The following MCM6 variants were observed in gnomAD, a reference collection of about 807,000 sequenced individuals.
MCM6 encodes the protein DNA replication licensing factor MCM6.
Under a neutral mutation model 94.3 loss-of-function variants are expected in MCM6, and 46 were observed. The observed-to-expected ratio is 0.49, with a 90% CI of 0.39 to 0.62. The LOEUF (loss-of-function observed/expected upper bound fraction) is 0.62, where lower values mean the gene tolerates loss of function less well. MCM6 is among the 20% of genes least tolerant of loss of function. The pLI, the probability that MCM6 is intolerant of heterozygous loss-of-function variation, is 0.00. For synonymous variants in MCM6, 335 were observed against 351.9 expected (o/e 0.95, Z 0.54); for missense variants, 865 against 1,017.9 (o/e 0.85, Z 2.04).
At chr2:135,858,496 G>T (rs967253252) in intron 9 of MCM6, among the ~76,000 whole-genome samples, 4 of 151,904 alleles carry the variant, frequency 2.6e-5, no homozygotes, top group African/African-American at 9.7e-5. Context: ...CGAAAAACAA[G>T]AACAGTCTTT....
At chr2:135,870,166 C>T (rs1680174560) in intron 3 of MCM6, 85 bp downstream of exon 3, 1 of 948,838 alleles carries the variant, frequency 1.1e-6, no homozygotes, top group African/African-American at 1.6e-5. Flanking sequence ...CAGATCAAGG[C>T]AACCTCTCAA....
At chr2:135,853,421 G>T (rs1278871691) in intron 11 of MCM6, among the ~76,000 whole-genome samples, 2 of 152,076 alleles carry the variant, frequency 1.3e-5, no homozygotes, top group Non-Finnish European at 2.9e-5. Flanking sequence ...CTCCAGCCTG[G>T]GCAACAGAGT....
chr2:135,861,485 T>G (rs991327241), intron 8 of MCM6, among the ~76,000 whole-genome samples: 2 of 152,222 alleles, frequency 1.3e-5, no homozygotes, highest in Non-Finnish European at 2.9e-5. Context: ...GGCCCTAAGT[T>G]TCTTAAAAGT....
chr2:135,866,918 T>C (rs1575366835), intron 4 of MCM6, among the ~76,000 whole-genome samples, 190 bp from the exon 5 acceptor site: 1 of 152,120 alleles, frequency 6.6e-6, no homozygotes, highest in Admixed American at 6.6e-5. Context: ...ATAGTTCAAT[T>C]TGGCAAGAGA....
intron 15 of MCM6, 54 bp from the exon 16 acceptor site, chr2:135,844,738 T>C (rs1413813845): frequency 2.7e-6 from 4 of 1,466,436 alleles, no homozygotes; most frequent in Non-Finnish European, 3.6e-6. Context: ...TGTCAGTCCT[T>C]GGGTAAATCT....
At chr2:135,858,127 G>A in intron 9 of MCM6, 123 bp from the exon 10 acceptor site, 1 of 824,584 alleles carries the variant, frequency 1.2e-6, no homozygotes, top group Non-Finnish European at 2.0e-6. Flanking sequence ...CCGGGCATTT[G>A]AGGTTACAGT....
intron 10 of MCM6, 137 bp from the exon 11 acceptor site, chr2:135,857,020 A>C: frequency 1.4e-6 from 1 of 718,784 alleles, no homozygotes; most frequent in Non-Finnish European, 2.2e-6. Flanking sequence ...ATAAACAGGA[A>C]CTCCTATGTG....
Position 135,866,187 on chromosome 2 carries a change from T to A in MCM6, c.872A>T (p.Asp291Val). 2 of 1,614,070 alleles carry A rather than the reference T, an allele frequency of 1.2e-6. No homozygotes were observed. Among genetic ancestry groups the A allele is most frequent in the South Asian group, 1.1e-5 (1 of 91,072 alleles). ...AAGAAAGACCAGCCTATAAGAAAGG[T>A]CCCTAACACCAAGGGCCCGGAGTCC... is the stretch of plus-strand genomic sequence containing the variant. ...IRGLRALGVR[D>V]LSYRLVFLAC... is the part of the protein sequence containing the mutation. Residue 291 changes from aspartate to valine, a missense_variant, in exon 6 of 17, where the codon GAC (aspartate) becomes GTC (valine). Physicochemically the swap from Asp to Val is radical, Grantham distance 152 (BLOSUM62 -3). Coordinates refer to ENST00000264156, the MANE Select transcript of MCM6 (RefSeq NM_005915.6).
chr2:135,867,675 T>C (rs1439608701), intron 4 of MCM6, among the ~76,000 whole-genome samples: 3 of 152,112 alleles, frequency 2.0e-5, no homozygotes, highest in Non-Finnish European at 2.9e-5. Flanking sequence ...CCCAGGTAAC[T>C]GAAATTGCCT....
chr2:135,840,874 G>A lies in MCM6; in HGVS notation c.2427C>T (p.Pro809=), dbSNP rs1679556375. ...TEGSESYEED[P]YLVVNPNYLL... ...AGTAGTTAGGGTTAACTACCAAGTA[G>A]GGATCTTCTTCATAGCTCTCACTTC... The change falls in exon 17 of 17, where the codon CCC becomes CCT. Residue 809 remains proline (P), a synonymous_variant. Transcript: ENST00000264156. The A allele has an allele frequency of 1.2e-6, 2 of 1,613,978 alleles. No homozygotes were observed. Among genetic ancestry groups the A allele is most frequent in the Admixed American group, 1.7e-5 (1 of 60,000 alleles).
intron 13 of MCM6, among the ~76,000 whole-genome samples, 170 bp from the exon 14 acceptor site, chr2:135,848,358 C>T (rs1303043553): frequency 1.3e-5 from 2 of 152,184 alleles, no homozygotes; most frequent in Non-Finnish European, 2.9e-5. Context: ...CTCTCTTACA[C>T]ACACAGAAAT....
chr2:135,865,075 T>C lies in MCM6; in HGVS notation c.1016A>G (p.Glu339Gly). 1 of 1,582,488 alleles carries C rather than the reference T, an allele frequency of 6.3e-7. No homozygotes were observed. Among genetic ancestry groups the C allele is most frequent in the African/African-American group, 1.4e-5 (1 of 74,002 alleles). The change falls in exon 7 of 17, where the codon GAG becomes GGG. Residue 339 changes from glutamate to glycine, a missense_variant. Coordinates refer to ENST00000264156, the MANE Select transcript of MCM6 (RefSeq NM_005915.6). The stretch of plus-strand genomic sequence containing the variant: ...GTATAGATTTTTATCTTGACTCATC[T>C]CAAACACTTTCTCCCATTCTTTCAC... ...MTVKEWEKVF[E>G]MSQDKNLYHN...
At chr2:135,857,792 A>G (rs2105582217) in intron 10 of MCM6, 105 bp downstream of exon 10, 5 of 860,774 alleles carry the variant, frequency 5.8e-6, no homozygotes, top group Non-Finnish European at 9.7e-6. Flanking sequence ...AATGAACAGC[A>G]TTACACACTG....
chr2:135,856,260 T>C (rs777065514), intron 11 of MCM6, among the ~76,000 whole-genome samples: 18 of 152,232 alleles, frequency 1.2e-4, no homozygotes, highest in East Asian at 1.2e-3. Context: ...CTGACCAACA[T>C]GGTGAGACCC....
At chr2:135,841,941 C>T (rs1455680503) in intron 16 of MCM6, among the ~76,000 whole-genome samples, 2 of 152,000 alleles carry the variant, frequency 1.3e-5, no homozygotes, top group Non-Finnish European at 2.9e-5. Flanking sequence ...ACCATCTCTA[C>T]TAAAAATACA....
At chr2:135,866,029 A>T in intron 6 of MCM6, 103 bp downstream of exon 6, 1 of 1,307,210 alleles carries the variant, frequency 7.6e-7, no homozygotes, top group South Asian at 1.4e-5. Context: ...TTGAGCCCAG[A>T]AAGTGGAGGC....
intron 3 of MCM6, among the ~76,000 whole-genome samples, 188 bp downstream of exon 3, chr2:135,870,063 T>C (rs1363029972): frequency 6.6e-6 from 1 of 152,154 alleles, no homozygotes; most frequent in Non-Finnish European, 1.5e-5. Context: ...ATGATTTAGG[T>C]AGAAAACCTA....
intron 16 of MCM6, among the ~76,000 whole-genome samples, chr2:135,843,400 T>C (rs2105570476): frequency 6.6e-6 from 1 of 152,042 alleles, no homozygotes; most frequent in East Asian, 1.9e-4. Flanking sequence ...TGAGATCACT[T>C]AGGTAATGAA....
In MCM6 at chr2:135,870,506, C is replaced by T. The variant is rs183955632; in HGVS notation, c.255-145G>A. ...TAACTGTGTAGGACACTTCTATTAT[C>T]TACTCTAGGTTTAGGACCCTCTTTC... is the stretch of plus-strand genomic sequence containing the variant. On this transcript the variant is annotated intron_variant, in intron 2 of 16. Transcript: ENST00000264156. 2.2e-4 allele frequency: 129 copies of T among 588,120 alleles called. No individual in the cohort carries two copies. The African/African-American group carries it at 2.3e-3, about 11-fold the overall frequency. The allele number at this position is 588,120 out of a possible 1,614,324, so 36.4% of individuals were successfully genotyped here.
Sources: gnomAD v4.1 joint callset for allele counts (sites outside exome capture counted in the v4.1 genomes callset) on GRCh38, gnomAD v4.1.1 for gene constraint, MANE v1.5 for transcripts, NCBI Gene and HGNC (gene_info 2026-07-23, HGNC 2026-07-21) for gene names.